Variants in STAU2 observed in about 807,000 individuals in gnomAD.
STAU2 encodes the protein staufen double-stranded RNA binding protein 2, also known as double-stranded RNA-binding protein Staufen homolog 2.
A neutral mutation model predicts 65.9 loss-of-function variants in STAU2; 20 were observed. The observed-to-expected ratio is 0.30, with a 90% CI of 0.21 to 0.44. STAU2 has a LOEUF of 0.44. Ranked by LOEUF, STAU2 falls within the 20% of genes least tolerant of loss-of-function variation. The pLI, the probability that STAU2 is intolerant of heterozygous loss-of-function variation, is 1.00. For missense variants in STAU2, 558 were observed against 683.9 expected (o/e 0.82, Z 2.05); for synonymous variants, 232 against 233.9 (o/e 0.99, Z 0.07).
At chr8:73,545,267 CTTTAT>C (rs1806821674) in intron 13 of STAU2, among the ~76,000 whole-genome samples, 3 of 152,158 alleles carry the variant, frequency 2.0e-5, no homozygotes, top group Admixed American at 6.5e-5. Flanking sequence ...TGATTCTAGA[CTTTAT>C]TTTGAGACAG....
At chr8:73,724,918 G>A (rs920238882) in intron 3 of STAU2, among the ~76,000 whole-genome samples, 25 of 151,946 alleles carry the variant, frequency 1.6e-4, no homozygotes, top group Admixed American at 6.6e-4. Flanking sequence ...GAACTCCTAG[G>A]TTCAAATTAT....
chr8:73,469,473 TA>T (rs11295928), intron 13 of STAU2, among the ~76,000 whole-genome samples: 105,819 of 142,580 alleles, frequency 0.74, 39,434 homozygotes, highest in East Asian at 0.96. Context: ...TATATATATT[TA>T]AAAAAAAAAA....
At chr8:73,729,065 C>T (rs905448175) in intron 3 of STAU2, among the ~76,000 whole-genome samples, 11 of 152,028 alleles carry the variant, frequency 7.2e-5, no homozygotes, top group African/African-American at 1.4e-4. Context: ...TTTTCATAAA[C>T]GCTGAATGTT....
chr8:73,527,833 ACAC>A, intron 13 of STAU2: 1 of 1,493,200 alleles, frequency 6.7e-7, no homozygotes, highest in East Asian at 2.5e-5. Flanking sequence ...AATCCACTGA[ACAC>A]CATTTTCAGA....
chr8:73,529,220 T>C (rs1176405319), intron 13 of STAU2, among the ~76,000 whole-genome samples: 2 of 152,166 alleles, frequency 1.3e-5, no homozygotes, highest in Non-Finnish European at 2.9e-5. Flanking sequence ...AGTTCAAGAA[T>C]GTGGAAGTGT....
chr8:73,603,919 ATCCTTAAAGAAACAGTGCTTCTTCCC>A, intron 9 of STAU2, 56 bp from the exon 10 acceptor site: 1 of 1,530,690 alleles, frequency 6.5e-7, no homozygotes, highest in Non-Finnish European at 8.8e-7. Context: ...CTGTTATTGA[ATCCTTAAAGAAACAGTGCTTCTTCCC>A]TCCACCCCCA....
At chr8:73,423,347 G>A (rs932157671) in intron 13 of STAU2, among the ~76,000 whole-genome samples, 4 of 152,214 alleles carry the variant, frequency 2.6e-5, no homozygotes, top group Non-Finnish European at 5.9e-5. Flanking sequence ...CAGGCTGGTG[G>A]AGCCTTGCTG....
At chr8:73,559,386 C>A (rs1468979159) in intron 12 of STAU2, among the ~76,000 whole-genome samples, 2 of 152,244 alleles carry the variant, frequency 1.3e-5, no homozygotes, top group Non-Finnish European at 2.9e-5. Context: ...CTAGATATAG[C>A]TCTGAGGATA....
intron 5 of STAU2, among the ~76,000 whole-genome samples, chr8:73,673,526 A>T (rs1817835444): frequency 6.6e-6 from 1 of 152,136 alleles, no homozygotes; most frequent in African/African-American, 2.4e-5. Context: ...TAGATTGCTA[A>T]CCGTGAATAT....
chr8:73,669,106 GC>G (rs1162800205), intron 6 of STAU2: 2 of 701,806 alleles, frequency 2.8e-6, no homozygotes, highest in Non-Finnish European at 5.2e-6. Context: ...TTCAAGTGTT[GC>G]CATCTATAAA....
intron 13 of STAU2, among the ~76,000 whole-genome samples, chr8:73,516,465 T>C (rs899646402): frequency 1.3e-5 from 2 of 152,074 alleles, no homozygotes; most frequent in South Asian, 4.1e-4. Context: ...CATCAGAGGA[T>C]GCAAACGAGA....
chr8:73,545,507 C>A (rs1051134940), intron 13 of STAU2, among the ~76,000 whole-genome samples: 1 of 151,928 alleles, frequency 6.6e-6, no homozygotes, highest in African/African-American at 2.4e-5. Context: ...GGTTTAAAAT[C>A]AAGTAAAAAC....
At chr8:73,595,015 C>T (rs1483919805) in intron 11 of STAU2, 151 bp downstream of exon 11, 1 of 538,212 alleles carries the variant, frequency 1.9e-6, no homozygotes. Context: ...CATCTTACTC[C>T]ATATGTTATT....
chr8:73,567,969 C>T (rs1240662521), intron 12 of STAU2, among the ~76,000 whole-genome samples: 1 of 152,006 alleles, frequency 6.6e-6, no homozygotes, highest in Non-Finnish European at 1.5e-5. Flanking sequence ...AAAAAGGGTA[C>T]ATTATAATAA....
At chr8:73,558,868 G>A (rs543761220) in intron 12 of STAU2, among the ~76,000 whole-genome samples, 10 of 152,084 alleles carry the variant, frequency 6.6e-5, no homozygotes, top group African/African-American at 2.4e-4. Flanking sequence ...AACAATGTTG[G>A]ACTATAAATT....
chr8:73,674,883 T>A (rs1389709593), intron 5 of STAU2, among the ~76,000 whole-genome samples: 1 of 151,674 alleles, frequency 6.6e-6, no homozygotes, highest in Non-Finnish European at 1.5e-5. Flanking sequence ...AATATCACAA[T>A]GAATTCATGA....
intron 12 of STAU2, among the ~76,000 whole-genome samples, chr8:73,554,502 A>G (rs1026060219): frequency 2.6e-5 from 4 of 152,144 alleles, no homozygotes; most frequent in African/African-American, 9.7e-5. Flanking sequence ...AGAAGCTGGG[A>G]GCTGGGGGTG....
intron 13 of STAU2, among the ~76,000 whole-genome samples, chr8:73,445,754 C>T (rs1199376994): frequency 6.6e-6 from 1 of 152,166 alleles, no homozygotes; most frequent in Non-Finnish European, 1.5e-5. Flanking sequence ...TGAAAAGATG[C>T]TCAATATCAC....
intron 13 of STAU2, among the ~76,000 whole-genome samples, chr8:73,499,678 G>A (rs1219432238): frequency 6.6e-6 from 1 of 151,830 alleles, no homozygotes. Flanking sequence ...AAGGTTGGCA[G>A]TTGAGGAAAG....
Sources: gnomAD v4.1 joint callset for allele counts (sites outside exome capture counted in the v4.1 genomes callset) on GRCh38, gnomAD v4.1.1 for gene constraint, MANE v1.5 for transcripts, NCBI Gene and HGNC (gene_info 2026-07-23, HGNC 2026-07-21) for gene names.